The following GLCE variants were observed in gnomAD, a reference collection of about 807,000 sequenced individuals.
The protein encoded by GLCE is D-glucuronyl C5-epimerase.
Under a neutral mutation model 47.9 loss-of-function variants are expected in GLCE, and 19 were observed. That is an observed-to-expected ratio of 0.40 (90% CI 0.28 to 0.58). GLCE has a LOEUF of 0.58. Among genes scored for constraint, GLCE ranks in the 20% least tolerant of loss-of-function variants. The pLI is 0.48. For synonymous variants in GLCE, 245 were observed against 263.4 expected (o/e 0.93, Z 0.68); for missense variants, 556 against 743.3 (o/e 0.75, Z 2.93).
intron 1 of GLCE, among the ~76,000 whole-genome samples, chr15:69,208,982 G>A (rs1016409132): frequency 6.6e-6 from 1 of 151,994 alleles, no homozygotes; most frequent in Admixed American, 6.6e-5. Context: ...CTTTCTGTAT[G>A]TTCAGATTGG....
At chr15:69,248,682 A>G (rs2052790839) in intron 2 of GLCE, among the ~76,000 whole-genome samples, 1 of 151,986 alleles carries the variant, frequency 6.6e-6, no homozygotes, top group Non-Finnish European at 1.5e-5. Flanking sequence ...GCTGGAGTGC[A>G]ATGGCGATCT....
At chr15:69,203,909 G>A (rs1022530400) in intron 1 of GLCE, among the ~76,000 whole-genome samples, 2 of 152,014 alleles carry the variant, frequency 1.3e-5, no homozygotes, top group Non-Finnish European at 2.9e-5. Flanking sequence ...AGGTTAAATG[G>A]AAATAGTTGG....
intron 2 of GLCE, among the ~76,000 whole-genome samples, chr15:69,238,018 C>T (rs1341493259): frequency 6.6e-6 from 1 of 152,152 alleles, no homozygotes; most frequent in Non-Finnish European, 1.5e-5. Flanking sequence ...CTTCAAAGAA[C>T]ATTTTAGCTA....
At chr15:69,192,221 C>T (rs930908314) in intron 1 of GLCE, among the ~76,000 whole-genome samples, 4 of 151,638 alleles carry the variant, frequency 2.6e-5, no homozygotes, top group Non-Finnish European at 5.9e-5. Context: ...GTCATGGCAT[C>T]TTTATTTTTT....
At chr15:69,262,543 CCTT>C (rs1432397849) in intron 4 of GLCE, among the ~76,000 whole-genome samples, 1 of 152,080 alleles carries the variant, frequency 6.6e-6, no homozygotes, top group Non-Finnish European at 1.5e-5. Context: ...ACCTTGATCT[CCTT>C]GAGTGTTTGG....
intron 2 of GLCE, among the ~76,000 whole-genome samples, chr15:69,232,452 CGT>C (rs35924437): frequency 3.3e-5 from 5 of 150,784 alleles, no homozygotes; most frequent in African/African-American, 9.7e-5. Flanking sequence ...CTACATGAAT[CGT>C]GTGTGTGTGT....
Position 69,244,135 on chromosome 15 carries a change from A to T in GLCE, c.-13-11659A>T, listed in dbSNP as rs140998617. On this transcript the variant is annotated intron_variant, in intron 2 of 4. Coordinates refer to ENST00000261858, the MANE Select transcript of GLCE (RefSeq NM_015554.3). ...ATAATTATGACAGAAATAAGGTATT[A>T]TAATGCATTTGTAAGCTATTGCTGG... Among the ~76,000 whole-genome samples, 1,114 of 152,324 alleles carry T rather than the reference A, an allele frequency of 7.3e-3. 16 individuals are homozygous for T. The highest frequency in any genetic ancestry group is 0.026 in the African/African-American group (1,074 of 41,580).
At chr15:69,181,459 G>T (rs1017107556) in intron 1 of GLCE, among the ~76,000 whole-genome samples, 1 of 152,178 alleles carries the variant, frequency 6.6e-6, no homozygotes, top group Admixed American at 6.5e-5. Context: ...AATCACTGAG[G>T]CAAGAGGAAA....
At chr15:69,162,991 C>G (rs1365555989) in intron 1 of GLCE, among the ~76,000 whole-genome samples, 1 of 152,088 alleles carries the variant, frequency 6.6e-6, no homozygotes, top group Non-Finnish European at 1.5e-5. Flanking sequence ...TTTTGAAAAA[C>G]AAAGGAATCC....
intron 4 of GLCE, among the ~76,000 whole-genome samples, chr15:69,264,295 T>A (rs1406777728): frequency 6.6e-6 from 1 of 151,958 alleles, no homozygotes; most frequent in Non-Finnish European, 1.5e-5. Context: ...TCCTTCAAGG[T>A]TCGTCTATGT....
intron 1 of GLCE, among the ~76,000 whole-genome samples, chr15:69,164,682 T>G (rs1429466549): frequency 6.6e-6 from 1 of 152,052 alleles, no homozygotes; most frequent in African/African-American, 2.4e-5. Context: ...AAACAACTAG[T>G]TCCATGTAAT....
intron 4 of GLCE, among the ~76,000 whole-genome samples, chr15:69,263,438 T>C (rs1368909746): frequency 6.6e-6 from 1 of 152,052 alleles, no homozygotes; most frequent in Non-Finnish European, 1.5e-5. Flanking sequence ...TTTTTTTTTT[T>C]CTTTCTTGGC....
chr15:69,251,605 C>T (rs1192349320), intron 2 of GLCE, among the ~76,000 whole-genome samples: 1 of 152,054 alleles, frequency 6.6e-6, no homozygotes, highest in Non-Finnish European at 1.5e-5. Flanking sequence ...TTGATTTGTT[C>T]TGAAATATGG....
intron 2 of GLCE, among the ~76,000 whole-genome samples, chr15:69,213,179 A>G (rs2052256728): frequency 6.6e-6 from 1 of 152,100 alleles, no homozygotes; most frequent in South Asian, 2.1e-4. Flanking sequence ...GCTTACCCTC[A>G]TGTTAACATC....
chr15:69,205,136 T>C (rs2140368219), intron 1 of GLCE, among the ~76,000 whole-genome samples: 1 of 152,198 alleles, frequency 6.6e-6, no homozygotes, highest in Non-Finnish European at 1.5e-5. Flanking sequence ...AAAAAACTCC[T>C]GTGTTATCCC....
At chr15:69,265,949 GA>G (rs2053079727) in intron 4 of GLCE, among the ~76,000 whole-genome samples, 1 of 152,188 alleles carries the variant, frequency 6.6e-6, no homozygotes, top group African/African-American at 2.4e-5. Flanking sequence ...AGTCAGTTCA[GA>G]ATCCTGCAGT....
In GLCE at chr15:69,200,137, A is replaced by G. The variant is rs150379680; in HGVS notation, c.-104-10179A>G. The stretch of plus-strand genomic sequence containing the variant: ...TGAAATTGGAGAACAATTTTTTGAC[A>G]CTAATCAGGCAAGGAGAAAGTTTCG... On this transcript the variant is annotated intron_variant, in intron 1 of 4. Coordinates refer to ENST00000261858, the MANE Select transcript of GLCE (RefSeq NM_015554.3). Among the ~76,000 whole-genome samples the G allele has an allele frequency of 1.6e-3, 241 of 152,238 alleles. 1 individual carries two copies. Among genetic ancestry groups the G allele is most frequent in the Admixed American group, 0.014 (219 of 15,284 alleles).
chr15:69,161,322 G>T (rs758954531), intron 1 of GLCE, among the ~76,000 whole-genome samples: 1 of 151,934 alleles, frequency 6.6e-6, no homozygotes, highest in Non-Finnish European at 1.5e-5. Context: ...GGGGAGAGGG[G>T]TCTGTTCATC....
intron 1 of GLCE, among the ~76,000 whole-genome samples, chr15:69,183,026 T>C (rs1395595702): frequency 6.6e-6 from 1 of 151,688 alleles, no homozygotes; most frequent in African/African-American, 2.4e-5. Context: ...AAAATGGCAT[T>C]TTGGAAGGGT....
Sources: allele counts gnomAD v4.1 joint callset (sites outside exome capture counted in the v4.1 genomes callset), GRCh38; gene constraint gnomAD v4.1.1; transcripts MANE v1.5; gene names NCBI Gene and HGNC (gene_info 2026-07-23, HGNC 2026-07-21).